LMNTD1: variants seen among roughly 807,000 people sequenced by gnomAD.
LMNTD1 encodes lamin tail domain-containing protein 1.
LMNTD1 carries 35 observed loss-of-function variants against 50.9 expected under a neutral mutation model. That is an observed-to-expected ratio of 0.69 (90% CI 0.53 to 0.91). LMNTD1 has a LOEUF of 0.91. Ranked by LOEUF, LMNTD1 falls within the 40% of genes least tolerant of loss-of-function variation. The pLI is 0.00. For synonymous variants in LMNTD1, 153 were observed against 161.9 expected (o/e 0.94, Z 0.42); for missense variants, 470 against 475.5 (o/e 0.99, Z 0.11).
At chr12:25,502,008 C>T (rs779952022) in intron 9 of LMNTD1, among the ~76,000 whole-genome samples, 1 of 151,846 alleles carries the variant, frequency 6.6e-6, no homozygotes, top group African/African-American at 2.4e-5. Flanking sequence ...CTTAGGAGGC[C>T]CAGAACTTTT....
intron 1 of LMNTD1, among the ~76,000 whole-genome samples, chr12:25,588,881 T>A (rs1409320268): frequency 6.6e-6 from 1 of 152,118 alleles, no homozygotes; most frequent in Non-Finnish European, 1.5e-5. Context: ...ATATAAGAAA[T>A]ATGCTCAACA....
chr12:25,531,060 T>A (rs1050304586), intron 4 of LMNTD1, among the ~76,000 whole-genome samples: 2 of 152,146 alleles, frequency 1.3e-5, no homozygotes, highest in Non-Finnish European at 2.9e-5. Context: ...AGTGGCCTTT[T>A]GAAGCTAAGG....
intron 1 of LMNTD1, among the ~76,000 whole-genome samples, chr12:25,581,132 A>G (rs578043504): frequency 6.6e-6 from 1 of 152,312 alleles, no homozygotes; most frequent in East Asian, 1.9e-4. Flanking sequence ...AGCGTACATA[A>G]GACATCACAA....
At chr12:25,534,603 A>T (rs995069114) in intron 4 of LMNTD1, among the ~76,000 whole-genome samples, 26 of 152,310 alleles carry the variant, frequency 1.7e-4, no homozygotes, top group African/African-American at 6.0e-4. Context: ...GTCCCCTTTG[A>T]GTATTTAGCA....
chr12:25,553,901 C>T (rs930075915), upstream of LMNTD1, among the ~76,000 whole-genome samples: 1 of 152,060 alleles, frequency 6.6e-6, no homozygotes, highest in Admixed American at 6.6e-5. Context: ...TAAGATTCTA[C>T]TATTTCTTAA....
intron 1 of LMNTD1, among the ~76,000 whole-genome samples, chr12:25,599,845 A>G (rs1292687676): frequency 3.3e-5 from 5 of 152,078 alleles, no homozygotes; most frequent in Non-Finnish European, 7.4e-5. Flanking sequence ...GATTGGGAGA[A>G]TAAATATAGT....
At chr12:25,562,037 C>T (rs912464348) in intron 1 of LMNTD1, among the ~76,000 whole-genome samples, 5 of 152,154 alleles carry the variant, frequency 3.3e-5, no homozygotes, top group Admixed American at 6.5e-5. Flanking sequence ...TGTCTCTGCA[C>T]ATGAGATGGG....
chr12:25,483,911 T>A (rs1250786901), intron 9 of LMNTD1, among the ~76,000 whole-genome samples: 1 of 152,026 alleles, frequency 6.6e-6, no homozygotes, highest in Admixed American at 6.5e-5. Flanking sequence ...TCTGAAGAGC[T>A]AAATATGACA....
chr12:25,516,317 T>C (rs1940769423), intron 8 of LMNTD1, among the ~76,000 whole-genome samples: 2 of 152,332 alleles, frequency 1.3e-5, no homozygotes, highest in Admixed American at 1.3e-4. Flanking sequence ...AATATGCACA[T>C]ACGGTGAAGT....
chr12:25,618,311 G>C (rs886861531), intron 1 of LMNTD1, among the ~76,000 whole-genome samples: 25 of 152,106 alleles, frequency 1.6e-4, no homozygotes, highest in Non-Finnish European at 4.4e-5. Flanking sequence ...CTTGATTGGA[G>C]AGCAGGCATC....
chr12:25,492,519 A>G (rs1041740259), intron 9 of LMNTD1, among the ~76,000 whole-genome samples: 1 of 152,214 alleles, frequency 6.6e-6, no homozygotes, highest in African/African-American at 2.4e-5. Flanking sequence ...GAAGAATTTT[A>G]AGAAGTCTAT....
intron 1 of LMNTD1, among the ~76,000 whole-genome samples, chr12:25,591,019 T>C (rs1431149571): frequency 6.6e-6 from 1 of 152,118 alleles, no homozygotes; most frequent in Non-Finnish European, 1.5e-5. Context: ...AGAGTGAGAC[T>C]CCTTTACTTG....
intron 1 of LMNTD1, among the ~76,000 whole-genome samples, chr12:25,607,411 T>C (rs1167904751): frequency 1.1e-4 from 16 of 152,212 alleles, no homozygotes; most frequent in Non-Finnish European, 2.9e-5. Context: ...CTCTAGTTCT[T>C]TTAATTGTGA....
intron 4 of LMNTD1, among the ~76,000 whole-genome samples, chr12:25,541,447 C>A (rs1235720127): frequency 7.3e-6 from 1 of 137,878 alleles, no homozygotes. Context: ...CTTTGACAAA[C>A]CTGAGAAAAA....
At chr12:25,547,565 A>C (rs988514508) in intron 3 of LMNTD1, among the ~76,000 whole-genome samples, 1 of 151,822 alleles carries the variant, frequency 6.6e-6, no homozygotes, top group African/African-American at 2.4e-5. Flanking sequence ...TAGCAAAACC[A>C]AAACAAGGTG....
Position 25,622,463 on chromosome 12 carries a change from G to GCCCCCC in LMNTD1, c.58+26030_58+26031insGGGGGG, listed in dbSNP as rs199777995. Among the ~76,000 whole-genome samples the GCCCCCC allele has an allele frequency of 6.2e-4, 69 of 111,204 alleles. 3 individuals are homozygous for GCCCCCC. The highest frequency in any genetic ancestry group is 1.1e-3 in the Non-Finnish European group (52 of 49,458). 73.0% of individuals were successfully genotyped at this position (111,204 alleles called of 152,430 possible). The stretch of plus-strand genomic sequence containing the variant: ...GTTGCCCTTGACCTTGAGTTTGTGA[G>GCCCCCC]CCCGCCCCCCCCCGCAAAATAATAT... On this transcript the variant is annotated intron_variant, in intron 1 of 7. Coordinates refer to the LMNTD1 transcript ENST00000445693.
At chr12:25,576,178 TC>T (rs1945011822) in intron 1 of LMNTD1, among the ~76,000 whole-genome samples, 1 of 152,210 alleles carries the variant, frequency 6.6e-6, no homozygotes, top group Admixed American at 6.5e-5. Context: ...TATAGCAGCA[TC>T]ATTTATAATC....
intron 1 of LMNTD1, among the ~76,000 whole-genome samples, chr12:25,595,109 G>A (rs549140092): frequency 6.6e-6 from 1 of 152,046 alleles, no homozygotes; most frequent in Non-Finnish European, 1.5e-5. Context: ...CCTAAGAAAT[G>A]AGATAGATGG....
At chr12:25,627,303 C>G (rs1592118377) in intron 1 of LMNTD1, among the ~76,000 whole-genome samples, 2 of 152,178 alleles carry the variant, frequency 1.3e-5, no homozygotes, top group South Asian at 4.2e-4. Flanking sequence ...TCTTTCAGTT[C>G]TTTTTTCTTT....
Sources: allele counts gnomAD v4.1 joint callset (sites outside exome capture counted in the v4.1 genomes callset), GRCh38; gene constraint gnomAD v4.1.1; transcripts MANE v1.5; gene names NCBI Gene and HGNC (gene_info 2026-07-23, HGNC 2026-07-21).